Variants in CCDC181 observed in about 807,000 individuals in gnomAD.
CCDC181 encodes the protein coiled-coil domain-containing protein 181.
In CCDC181, 35 loss-of-function variants were observed where a neutral mutation model predicts 58.7. The observed-to-expected ratio is 0.60, with a 90% CI of 0.46 to 0.79. The LOEUF is 0.79. CCDC181 is among the 30% of genes least tolerant of loss of function. The pLI, the probability that CCDC181 is intolerant of heterozygous loss-of-function variation, is 0.00. For synonymous variants in CCDC181, 183 were observed against 197.5 expected (o/e 0.93, Z 0.62); for missense variants, 517 against 583.9 (o/e 0.89, Z 1.18).
intron 1 of CCDC181, among the ~76,000 whole-genome samples, chr1:169,425,839 A>C (rs1429554429): frequency 1.3e-5 from 2 of 152,160 alleles, no homozygotes; most frequent in Non-Finnish European, 2.9e-5. Flanking sequence ...GGAACTCTTC[A>C]GTGCTTTCCC....
rs146816297 is a variant in CCDC181 at position 169,446,837 on chromosome 1, T to C, written c.-24+12960A>G. ...CAGGAGGCCCTGGAACCAATCCCCA[T>C]GGATACTGAGAAATGACCATGTGTA... On this transcript the variant is annotated intron_variant, in intron 2 of 6. Transcript: ENST00000545005. Among the ~76,000 whole-genome samples, 314 of 152,324 alleles carry C rather than the reference T, an allele frequency of 2.1e-3. 1 individual carries two copies. Among genetic ancestry groups the C allele is most frequent in the African/African-American group, 6.9e-3 (288 of 41,580 alleles).
rs779064688 is a variant in CCDC181, at chr1:169,421,606, C to A, written c.825G>T (p.Lys275Asn). 1 of 1,614,040 alleles carries A rather than the reference C, an allele frequency of 6.2e-7. No individual in the cohort carries two copies. Among genetic ancestry groups the A allele is most frequent in the Non-Finnish European group, 8.5e-7 (1 of 1,179,954 alleles). ...TTGATGAGTGAGTGACAGCATGAAT[C>A]TTTGCTGTAGAATCTTCTTTCTTGG... The part of the protein sequence containing the change: ...SGTKKEDSTA[K>N]IHAVTHSSTG... The change falls in exon 3 of 6, where the codon AAG (lysine) becomes AAT (asparagine). Residue 275 changes from lysine to asparagine, a missense_variant. Transcript: ENST00000367806.
chr1:169,441,635 G>T (rs1657231205), intron 2 of CCDC181, among the ~76,000 whole-genome samples: 3 of 151,966 alleles, frequency 2.0e-5, no homozygotes, highest in Admixed American at 2.0e-4. Flanking sequence ...AGAACAGGGT[G>T]ATTTAGCAAG....
intron 4 of CCDC181, chr1:169,418,798 T>C: frequency 3.8e-6 from 2 of 522,570 alleles, no homozygotes; most frequent in Non-Finnish European, 6.7e-6. Context: ...TTCTGTTCCA[T>C]CAAAGTCTGA....
At chr1:169,419,883 AC>A (rs1479844073) in intron 3 of CCDC181, among the ~76,000 whole-genome samples, 1 of 152,190 alleles carries the variant, frequency 6.6e-6, no homozygotes, top group Non-Finnish European at 1.5e-5. Flanking sequence ...TAGCAGCCCA[AC>A]CCAGAAAATA....
chr1:169,412,776 G>A (rs1656038952), intron 4 of CCDC181, among the ~76,000 whole-genome samples: 2 of 152,116 alleles, frequency 1.3e-5, no homozygotes, highest in African/African-American at 4.8e-5. Context: ...AATGGGGAAA[G>A]GATTCCTTAT....
chr1:169,458,609 C>T (rs1177523564), intron 2 of CCDC181, among the ~76,000 whole-genome samples: 1 of 152,064 alleles, frequency 6.6e-6, no homozygotes, highest in African/African-American at 2.4e-5. Context: ...TCTAAAATAT[C>T]TCTTTAGGTT....
intron 4 of CCDC181, among the ~76,000 whole-genome samples, chr1:169,415,101 A>C (rs1272535728): frequency 6.6e-6 from 1 of 152,202 alleles, no homozygotes; most frequent in Non-Finnish European, 1.5e-5. Flanking sequence ...CAAGATTACT[A>C]TTTACTATGT....
upstream of CCDC181, among the ~76,000 whole-genome samples, chr1:169,431,210 ATTAAT>A (rs1656911078): frequency 6.6e-6 from 1 of 152,202 alleles, no homozygotes; most frequent in African/African-American, 2.4e-5. Context: ...ACTTTACTGA[ATTAAT>A]TTATCAGTTC....
At chr1:169,414,284 C>CT (rs1656118353) in intron 4 of CCDC181, among the ~76,000 whole-genome samples, 1 of 152,136 alleles carries the variant, frequency 6.6e-6, no homozygotes, top group South Asian at 2.1e-4. Flanking sequence ...ACATAAAGTC[C>CT]TAAATGTATA....
chr1:169,410,003 T>C (rs1204531345), intron 4 of CCDC181, among the ~76,000 whole-genome samples: 3 of 152,070 alleles, frequency 2.0e-5, no homozygotes, highest in African/African-American at 7.2e-5. Flanking sequence ...CCAACTAGCA[T>C]CATAATGACA....
At position 169,422,163 on chromosome 1, in the gene CCDC181, G is replaced by T; in HGVS notation, c.268C>A (p.Gln90Lys). The T allele has an allele frequency of 6.2e-7, 1 of 1,613,744 alleles. No individual in the cohort carries two copies. The highest frequency in any genetic ancestry group is 8.5e-7 in the Non-Finnish European group (1 of 1,179,816). The change falls in exon 3 of 6, where the codon CAA becomes AAA. Residue 90 changes from glutamine to lysine, a missense_variant. Gln to Lys is a moderately conservative substitution (Grantham distance 53, BLOSUM62 1). Coordinates refer to ENST00000367806, the MANE Select transcript of CCDC181 (RefSeq NM_001300969.2). ...RNDIISVPGIQPLDPISDSDS... is the reference protein window; with the variant it reads ...RNDIISVPGIKPLDPISDSDS... ...GAATCTGATATGGGATCCAAAGGTT[G>T]AATACCTGGTACAGAAATGATGTCA...
upstream of CCDC181, among the ~76,000 whole-genome samples, chr1:169,428,285 G>C (rs1656799485): frequency 6.6e-6 from 1 of 152,018 alleles, no homozygotes; most frequent in African/African-American, 2.4e-5. Flanking sequence ...ACCTAATGTT[G>C]CTACTGCTTC....
At chr1:169,448,774 C>T (rs1657451054) in intron 2 of CCDC181, among the ~76,000 whole-genome samples, 1 of 152,144 alleles carries the variant, frequency 6.6e-6, no homozygotes, top group African/African-American at 2.4e-5. Context: ...ACTCCTTCTT[C>T]TCTTTTGGTA....
intron 2 of CCDC181, among the ~76,000 whole-genome samples, chr1:169,446,305 A>G (rs964661113): frequency 2.0e-5 from 3 of 152,042 alleles, no homozygotes; most frequent in African/African-American, 2.4e-5. Flanking sequence ...TTAGCTGGGC[A>G]TGGTGGTGCA....
chr1:169,399,778 T>A (rs1655235647), intron 4 of CCDC181, among the ~76,000 whole-genome samples: 1 of 152,170 alleles, frequency 6.6e-6, no homozygotes, highest in African/African-American at 2.4e-5. Context: ...GCTTGATAAC[T>A]GAGAGTAAGA....
chr1:169,454,715 AAAT>A (rs1657638372), intron 2 of CCDC181: 1 of 151,682 alleles, frequency 6.6e-6, no homozygotes, highest in African/African-American at 2.4e-5. Context: ...TAAAAGTATA[AAAT>A]AATAAAACTT....
At chr1:169,432,996 A>G (rs948394444) in intron 2 of CCDC181, among the ~76,000 whole-genome samples, 5 of 152,122 alleles carry the variant, frequency 3.3e-5, no homozygotes, top group East Asian at 3.9e-4. Flanking sequence ...AGCCAGAGCA[A>G]TTAGGCAAGA....
chr1:169,423,685 A>C (rs1371953831), intron 2 of CCDC181, among the ~76,000 whole-genome samples: 1 of 151,974 alleles, frequency 6.6e-6, no homozygotes, highest in Non-Finnish European at 1.5e-5. Flanking sequence ...TAAAACAATA[A>C]ATCATCCCTA....
Sources: allele counts gnomAD v4.1 joint callset (sites outside exome capture counted in the v4.1 genomes callset), GRCh38; gene constraint gnomAD v4.1.1; transcripts MANE v1.5; gene names NCBI Gene and HGNC (gene_info 2026-07-23, HGNC 2026-07-21).